EDARADD: variants seen among roughly 807,000 people sequenced by gnomAD.
EDARADD encodes EDAR associated via death domain, also known as ectodysplasin-A receptor-associated adapter protein.
In EDARADD, 20 loss-of-function variants were observed where a neutral mutation model predicts 25.6. That is an observed-to-expected ratio of 0.78 (90% CI 0.55 to 1.14). The LOEUF (loss-of-function observed/expected upper bound fraction) is 1.14. EDARADD is among the 50% of genes most tolerant of loss of function. The pLI, the probability that EDARADD is intolerant of heterozygous loss-of-function variation, is 0.00. For missense variants in EDARADD, 225 were observed against 270.1 expected (o/e 0.83, Z 1.17); for synonymous variants, 86 against 94.4 (o/e 0.91, Z 0.52).
At chr1:236,376,721 A>G (rs947082470) in intron 3 of EDARADD, among the ~76,000 whole-genome samples, 1 of 152,146 alleles carries the variant, frequency 6.6e-6, no homozygotes, top group Non-Finnish European at 1.5e-5. Flanking sequence ...CATTATTAAT[A>G]TGGGGGGAAA....
At position 236,435,577 on chromosome 1, in the gene EDARADD, A is replaced by G. The variant is rs192345838; in HGVS notation, c.219+8127A>G. ...CAAGAGGGAGACCTACCAAGATGTCATTGGATTTACTTGCAAGAGTTAAGA... is the reference window on the plus strand; with the variant it reads ...CAAGAGGGAGACCTACCAAGATGTCGTTGGATTTACTTGCAAGAGTTAAGA... On this transcript the variant is annotated intron_variant, in intron 4 of 5. Transcript: ENST00000334232. Among the ~76,000 whole-genome samples, 3 of 152,366 alleles carry G rather than the reference A, an allele frequency of 2.0e-5. No individual in the cohort carries two copies. In the East Asian group the frequency reaches 5.8e-4, roughly 29 times the overall value.
At position 236,398,974 on chromosome 1, in the gene EDARADD, G is replaced by A. The variant is rs887899061; in HGVS notation, c.61+4469G>A. On this transcript the variant is annotated intron_variant, in intron 1 of 5. Transcript: ENST00000334232. This position sits in a 1 kb window ranked among gnomAD's most constrained non-coding sequence, Gnocchi z 4.1. The stretch of plus-strand genomic sequence containing the variant: ...GCAAATACCACCTCAGTGAATGAAG[G>A]AAGGTTATAAAATTTAACCACAGGC... Among the ~76,000 whole-genome samples, 2 of 152,168 alleles carry A rather than the reference G, an allele frequency of 1.3e-5. No individual in the cohort carries two copies. Among genetic ancestry groups the A allele is most frequent in the African/African-American group, 4.8e-5 (2 of 41,440 alleles).
rs143313053 is a variant in EDARADD, at chr1:236,434,156, G to A, written c.219+6706G>A. ...ATAGCCCAAGCTTGTCCAACCCATG[G>A]CCTGCAGGCCTTATGTGGCCCAGGA... On this transcript the variant is annotated intron_variant, in intron 4 of 5. Transcript: ENST00000334232. Among the ~76,000 whole-genome samples the A allele has an allele frequency of 1.1e-4, 17 of 152,240 alleles. 2 individuals carry two copies. Among genetic ancestry groups the A allele is most frequent in the African/African-American group, 2.9e-4 (12 of 41,544 alleles).
chr1:236,461,860 T>G (rs1458333909), intron 4 of EDARADD, among the ~76,000 whole-genome samples: 2 of 152,200 alleles, frequency 1.3e-5, no homozygotes, highest in African/African-American at 2.4e-5. Flanking sequence ...GCATAGACAT[T>G]TCAAGACCAA....
intron 1 of EDARADD, among the ~76,000 whole-genome samples, chr1:236,407,773 C>T (rs532429438): frequency 6.6e-6 from 1 of 152,302 alleles, no homozygotes; most frequent in African/African-American, 2.4e-5. Context: ...TCTTATAAAG[C>T]ATTTTGGAGA....
At chr1:236,358,525 T>A (rs1025408244) in intron 3 of EDARADD, among the ~76,000 whole-genome samples, 6 of 152,258 alleles carry the variant, frequency 3.9e-5, no homozygotes, top group Admixed American at 3.9e-4. Context: ...TAAATTTCCC[T>A]CTTAACACAG....
At chr1:236,360,189 G>A (rs1392891071) in intron 3 of EDARADD, among the ~76,000 whole-genome samples, 2 of 152,032 alleles carry the variant, frequency 1.3e-5, no homozygotes, top group Admixed American at 1.3e-4. Flanking sequence ...AGATGTGGTG[G>A]TGTACACCTG....
intron 1 of EDARADD, among the ~76,000 whole-genome samples, chr1:236,405,820 C>CTCT (rs1667711282): frequency 9.9e-6 from 1 of 100,920 alleles, no homozygotes; most frequent in African/African-American, 4.6e-5. Context: ...TTCCTTCCTT[C>CTCT]CTTTCCTTCC....
chr1:236,483,166 T>C lies in EDARADD; in HGVS notation c.*517T>C. The C allele has an allele frequency of 6.4e-7, 1 of 1,550,468 alleles. No homozygotes were observed. Among genetic ancestry groups the C allele is most frequent in the Non-Finnish European group, 8.9e-7 (1 of 1,124,984 alleles). ...AGACCCAGTGGCTAGAAATTCACCA[T>C]GTCTATTCTCAAGATCCATGCCAGG... is the stretch of plus-strand genomic sequence containing the variant. On this transcript the variant is annotated 3_prime_UTR_variant, in exon 6 of 6. Coordinates refer to ENST00000334232, the MANE Select transcript of EDARADD (RefSeq NM_145861.4).
chr1:236,484,598 C>T lies in EDARADD; in HGVS notation c.*1949C>T. 1 of 700,350 alleles carries T rather than the reference C, an allele frequency of 1.4e-6. No homozygotes were observed. Among genetic ancestry groups the T allele is most frequent in the Non-Finnish European group, 2.4e-6 (1 of 415,172 alleles). 43.4% of individuals were successfully genotyped at this position (700,350 alleles called of 1,614,324 possible). ...GCTGCTAGTTAGCTACCCTTGCCCA[C>T]CGCCGTGGAGTTCGCACCTCTTCCT... On this transcript the variant is annotated 3_prime_UTR_variant, in exon 6 of 6. Transcript: ENST00000334232. This position sits in a 1 kb window ranked among gnomAD's most constrained non-coding sequence, Gnocchi z 4.1.
chr1:236,390,941 G>A (rs201451922), upstream of EDARADD, among the ~76,000 whole-genome samples: 1 of 148,852 alleles, frequency 6.7e-6, no homozygotes, highest in Non-Finnish European at 1.5e-5. Flanking sequence ...TCTTGGGTTA[G>A]TTGTTATTAT....
chr1:236,406,378 C>T (rs1667739480), intron 1 of EDARADD, among the ~76,000 whole-genome samples: 1 of 152,186 alleles, frequency 6.6e-6, no homozygotes, highest in Admixed American at 6.5e-5. Context: ...AACAGGGATA[C>T]ACTGTGAGAC....
At chr1:236,460,821 T>G (rs1175101557) in intron 4 of EDARADD, among the ~76,000 whole-genome samples, 3 of 108,888 alleles carry the variant, frequency 2.8e-5, no homozygotes, top group African/African-American at 6.8e-5. Flanking sequence ...TTTTGTGGGG[T>G]TTTTTTTTTG....
At position 236,453,778 on chromosome 1, in the gene EDARADD, A is replaced by G. The variant is rs80230888; in HGVS notation, c.220-14453A>G. 8.4e-3 allele frequency among the ~76,000 whole-genome samples: 1,281 copies of G among 152,304 alleles called. 17 individuals carry two copies. Among genetic ancestry groups the G allele is most frequent in the Non-Finnish European group, 0.01 (686 of 68,022 alleles). ...TGTAAGGGCACTCTATGATGTTCACACAACGAAATCACCTAAGGACGCATT... is the reference window on the plus strand; with the variant it reads ...TGTAAGGGCACTCTATGATGTTCACGCAACGAAATCACCTAAGGACGCATT... On this transcript the variant is annotated intron_variant, in intron 4 of 5. Transcript: ENST00000334232.
At chr1:236,453,614 G>A (rs540516981) in intron 4 of EDARADD, among the ~76,000 whole-genome samples, 34 of 152,106 alleles carry the variant, frequency 2.2e-4, no homozygotes, top group Non-Finnish European at 4.4e-4. Flanking sequence ...CCTCTTCTGT[G>A]TTTAGATATG....
At chr1:236,392,315 G>T (rs907721429), upstream of EDARADD, among the ~76,000 whole-genome samples, 1 of 152,080 alleles carries the variant, frequency 6.6e-6, no homozygotes, top group African/African-American at 2.4e-5. Context: ...CTATATGACA[G>T]GCCTTAGTTT....
At chr1:236,434,669 A>G (rs1658194768) in intron 4 of EDARADD, among the ~76,000 whole-genome samples, 1 of 152,188 alleles carries the variant, frequency 6.6e-6, no homozygotes, top group African/African-American at 2.4e-5. Context: ...TGGTATAGAC[A>G]GAGGATCTGA....
chr1:236,462,583 T>G (rs1659066962), intron 4 of EDARADD, among the ~76,000 whole-genome samples: 1 of 152,182 alleles, frequency 6.6e-6, no homozygotes, highest in Admixed American at 6.5e-5. Context: ...TTTCTGCTGC[T>G]TGCAGCCTGA....
Position 236,482,455 on chromosome 1 carries a change from G to A in EDARADD, c.454G>A (p.Glu152Lys), listed in dbSNP as rs74315309. The change falls in exon 6 of 6, where the codon GAA becomes AAA. Residue 152 changes from glutamate to lysine, a missense_variant. Glu to Lys is a moderately conservative substitution (Grantham distance 56). Coordinates refer to ENST00000334232, the MANE Select transcript of EDARADD (RefSeq NM_145861.4). ...AAGCAAATGGGGGATGTCCTATGACGAATTGTGCTTCCTGGAGCAGAGGCC... is the reference window on the plus strand; with the variant it reads ...AAGCAAATGGGGGATGTCCTATGACAAATTGTGCTTCCTGGAGCAGAGGCC... ...FASKWGMSYDELCFLEQRPQS... is the reference protein window; with the variant it reads ...FASKWGMSYDKLCFLEQRPQS... The A allele has an allele frequency of 6.8e-6, 11 of 1,614,162 alleles. No homozygotes were observed. Among genetic ancestry groups the A allele is most frequent in the African/African-American group, 1.3e-5 (1 of 75,042 alleles).
Sources: gnomAD v4.1 joint callset for allele counts (sites outside exome capture counted in the v4.1 genomes callset) on GRCh38, gnomAD v4.1.1 for gene constraint, Gnocchi (gnomAD v3.1) non-coding constraint, MANE v1.5 for transcripts, NCBI Gene and HGNC (gene_info 2026-07-23, HGNC 2026-07-21) for gene names.